The following PRKCB variants were observed in gnomAD, a reference collection of about 807,000 sequenced individuals.
PRKCB encodes protein kinase C beta type.
PRKCB carries 13 observed loss-of-function variants against 81.5 expected under a neutral mutation model. The observed-to-expected ratio is 0.16, with a 90% CI of 0.10 to 0.25. PRKCB has a LOEUF of 0.25. PRKCB is among the 10% of genes least tolerant of loss of function. The pLI, the probability that PRKCB is intolerant of heterozygous loss-of-function variation, is 1.00. For synonymous variants in PRKCB, 335 were observed against 321.4 expected, an observed-to-expected ratio of 1.04 and a Z score of -0.45; for missense variants, 509 against 875.7, an observed-to-expected ratio of 0.58 and a Z score of 5.29.
intron 5 of PRKCB, among the ~76,000 whole-genome samples, chr16:24,087,223 C>T (rs55705308): frequency 4.0e-4 from 61 of 152,316 alleles, no homozygotes; most frequent in Non-Finnish European, 7.9e-4. Flanking sequence ...CTCCAGATTT[C>T]ACTAATTGAA....
chr16:23,903,989 G>A (rs1277059027), intron 2 of PRKCB, among the ~76,000 whole-genome samples: 1 of 152,170 alleles, frequency 6.6e-6, no homozygotes, highest in East Asian at 1.9e-4. Context: ...TTAAATATGT[G>A]TCGACTAAAT....
intron 2 of PRKCB, among the ~76,000 whole-genome samples, chr16:23,961,846 A>C (rs1313199422): frequency 6.6e-6 from 1 of 152,104 alleles, no homozygotes. Context: ...GTTTTGGAGC[A>C]TTTCACATTT....
chr16:23,995,211 A>C (rs1964939017), intron 3 of PRKCB, among the ~76,000 whole-genome samples: 1 of 152,126 alleles, frequency 6.6e-6, no homozygotes, highest in Non-Finnish European at 1.5e-5. Context: ...TGGAGGCAAC[A>C]CATTCCTCAT....
At chr16:24,038,581 A>G (rs1383071645) in intron 5 of PRKCB, among the ~76,000 whole-genome samples, 1 of 152,206 alleles carries the variant, frequency 6.6e-6, no homozygotes, top group African/African-American at 2.4e-5. Flanking sequence ...CCCATACACC[A>G]TGCTGGGCAC....
chr16:24,112,843 CAAACCAAAAA>C (rs3831621), intron 7 of PRKCB, 120 bp from the exon 8 acceptor site: 8 of 503,274 alleles, frequency 1.6e-5, no homozygotes, highest in Middle Eastern at 5.9e-4. Context: ...CAAACCAAAA[CAAACCAAAAA>C]ACCCTCAACG....
intron 16 of PRKCB, among the ~76,000 whole-genome samples, chr16:24,202,098 C>T (rs1967967748): frequency 1.3e-5 from 2 of 152,136 alleles, no homozygotes; most frequent in African/African-American, 4.8e-5. Flanking sequence ...AAGACAATGC[C>T]TGCTGGCTGG....
In PRKCB at chr16:23,995,316, A is replaced by C. The variant is rs141662353; in HGVS notation, c.288+6726A>C. Among the ~76,000 whole-genome samples, 144 of 152,340 alleles carry C rather than the reference A, an allele frequency of 9.5e-4. 1 individual carries two copies. The highest frequency in any genetic ancestry group is 3.4e-3 in the African/African-American group (142 of 41,584). On this transcript the variant is annotated intron_variant, in intron 3 of 16. Coordinates refer to ENST00000643927, the MANE Select transcript of PRKCB (RefSeq NM_002738.7). ...CAGTAGAAGGCTCTGCAACAGGTCC[A>C]GACTGCTGTGCAAGCTGCTTTGCCA...
chr16:23,886,296 A>C (rs772196097), intron 2 of PRKCB, among the ~76,000 whole-genome samples: 1 of 151,638 alleles, frequency 6.6e-6, no homozygotes, highest in Non-Finnish European at 1.5e-5. Flanking sequence ...CTTTTACTCT[A>C]GGAGACTCAG....
intron 2 of PRKCB, among the ~76,000 whole-genome samples, chr16:23,891,597 G>A (rs1241288403): frequency 6.6e-6 from 1 of 151,232 alleles, no homozygotes; most frequent in Non-Finnish European, 1.5e-5. Context: ...AGAAGCATAA[G>A]GGTTTGTCAG....
chr16:23,851,102 G>A (rs1378552404), intron 2 of PRKCB, among the ~76,000 whole-genome samples: 2 of 152,156 alleles, frequency 1.3e-5, no homozygotes, highest in Non-Finnish European at 2.9e-5. Context: ...TTGCTGTGAG[G>A]AAGCTTTCAG....
At chr16:23,883,045 G>A (rs1963148144) in intron 2 of PRKCB, among the ~76,000 whole-genome samples, 1 of 152,172 alleles carries the variant, frequency 6.6e-6, no homozygotes, top group Non-Finnish European at 1.5e-5. Flanking sequence ...TTGAGGACCA[G>A]CTTTGTTCCA....
chr16:23,994,436 A>G (rs1326407866), intron 3 of PRKCB, among the ~76,000 whole-genome samples: 1 of 152,220 alleles, frequency 6.6e-6, no homozygotes, highest in Non-Finnish European at 1.5e-5. Context: ...GGGTGAAGCC[A>G]AGAGGAAGCC....
intron 2 of PRKCB, among the ~76,000 whole-genome samples, chr16:23,982,338 C>T (rs1351823856): frequency 2.9e-5 from 4 of 138,952 alleles, no homozygotes; most frequent in African/African-American, 1.1e-4. Flanking sequence ...CTTCCCTTTC[C>T]CTTTCCCTTC....
intron 2 of PRKCB, among the ~76,000 whole-genome samples, chr16:23,911,226 A>G (rs1440148465): frequency 7.1e-6 from 1 of 139,880 alleles, no homozygotes; most frequent in Admixed American, 8.0e-5. Context: ...CCCAGGCTCA[A>G]GTGATCATCT....
chr16:24,147,885 A>G (rs924796739), intron 9 of PRKCB, among the ~76,000 whole-genome samples: 1 of 152,204 alleles, frequency 6.6e-6, no homozygotes, highest in Non-Finnish European at 1.5e-5. Flanking sequence ...ATCAGTGGGC[A>G]TGTACATGGT....
intron 9 of PRKCB, among the ~76,000 whole-genome samples, chr16:24,127,988 C>T (rs1299009446): frequency 1.3e-5 from 2 of 152,162 alleles, no homozygotes; most frequent in Non-Finnish European, 2.9e-5. Context: ...ATTTGCTCTT[C>T]CCCTTCGAAA....
At chr16:24,134,460 GAC>G (rs1483128917) in intron 9 of PRKCB, among the ~76,000 whole-genome samples, 1 of 152,088 alleles carries the variant, frequency 6.6e-6, no homozygotes, top group Middle Eastern at 3.2e-3. Context: ...AAATTAGCCA[GAC>G]ACAGCTGGAT....
chr16:23,847,373 TATCTGTCCATCTATCTATCTATCC>T lies in PRKCB; in HGVS notation c.205+9971_205+9994del, dbSNP rs199890633. 1.2e-3 allele frequency among the ~76,000 whole-genome samples: 8 copies of T among 6,626 alleles called. No individual in the cohort carries two copies. The East Asian group carries it at 0.17, about 138-fold the overall frequency. 4.3% of individuals were successfully genotyped at this position (6,626 alleles called of 152,430 possible). A position where few individuals can be genotyped will look rare whatever the true frequency, so the allele number is the denominator to read the frequency against. On this transcript the variant is annotated intron_variant, in intron 2 of 16. Coordinates refer to ENST00000643927, the MANE Select transcript of PRKCB (RefSeq NM_002738.7). Reference sequence around the variant, plus strand: ...CTATCTATCTATCTATCTATCTATCTATCTGTCCATCTATCTATCTATCCATCCATCCACCTATCCACCAATACA... The same window carrying T: ...CTATCTATCTATCTATCTATCTATCTATCCATCCACCTATCCACCAATACA...
chr16:23,935,254 T>G (rs921859856), intron 2 of PRKCB, among the ~76,000 whole-genome samples: 4 of 152,180 alleles, frequency 2.6e-5, no homozygotes, highest in Non-Finnish European at 5.9e-5. Context: ...GCAGCAGTAT[T>G]CATTAAAGGC....
Sources: allele counts gnomAD v4.1 joint callset (sites outside exome capture counted in the v4.1 genomes callset), GRCh38; gene constraint gnomAD v4.1.1; transcripts MANE v1.5; gene names NCBI Gene and HGNC (gene_info 2026-07-23, HGNC 2026-07-21).